Variants in L2HGDH observed in about 807,000 individuals in gnomAD.
L2HGDH encodes the protein L-2-hydroxyglutarate dehydrogenase, mitochondrial.
L2HGDH carries 34 observed loss-of-function variants against 51.5 expected under a neutral mutation model. The ratio of observed to expected loss-of-function variants is 0.66; its 90% CI spans 0.50 to 0.88. L2HGDH has a LOEUF of 0.88. L2HGDH is among the 40% of genes least tolerant of loss of function. The pLI is 0.00. For missense variants in L2HGDH, 558 were observed against 571.9 expected (o/e 0.98, Z 0.25); for synonymous variants, 198 against 197.9 (o/e 1.00, Z -0.01).
chr14:50,246,980 TTTAAA>T lies in L2HGDH; in HGVS notation c.*73_*77del. The T allele has an allele frequency of 1.3e-6, 2 of 1,521,220 alleles. No individual in the cohort carries two copies. Among genetic ancestry groups the T allele is most frequent in the African/African-American group, 1.4e-5 (1 of 72,112 alleles). The allele number at this position is 1,521,220 out of a possible 1,614,324, so 94.2% of individuals were successfully genotyped here. A position where few individuals can be genotyped will look rare whatever the true frequency, so the allele number is the denominator to read the frequency against. On this transcript the variant is annotated 3_prime_UTR_variant, in exon 10 of 10. Coordinates refer to ENST00000267436, the MANE Select transcript of L2HGDH (RefSeq NM_024884.3). The stretch of plus-strand genomic sequence containing the variant: ...AAAAACTAAAGTTTAAAAACCATTT[TTTAAA>T]TTAAAGAATGCAATTAGTACATTCT...
At chr14:50,282,919 G>A in intron 5 of L2HGDH, among the ~76,000 whole-genome samples, 1 of 151,986 alleles carries the variant, frequency 6.6e-6, no homozygotes, top group East Asian at 1.9e-4. Flanking sequence ...GCTCACACCT[G>A]TAATCCTAGC....
At chr14:50,281,830 G>C (rs1429065870) in intron 5 of L2HGDH, among the ~76,000 whole-genome samples, 1 of 152,018 alleles carries the variant, frequency 6.6e-6, no homozygotes, top group Non-Finnish European at 1.5e-5. Flanking sequence ...AACATTTAGA[G>C]ATACTTTTTA....
intron 7 of L2HGDH, among the ~76,000 whole-genome samples, chr14:50,268,600 T>C (rs1215842510): frequency 1.3e-5 from 2 of 152,156 alleles, no homozygotes; most frequent in African/African-American, 4.8e-5. Flanking sequence ...TACAAATACA[T>C]GAGGTTGAAG....
At chr14:50,253,189 C>T (rs1018904326) in intron 9 of L2HGDH, among the ~76,000 whole-genome samples, 1 of 151,962 alleles carries the variant, frequency 6.6e-6, no homozygotes. Context: ...AATGGGATCA[C>T]ATCAAGTTAA....
chr14:50,245,526 T>A lies in L2HGDH; in HGVS notation c.*1532A>T. On this transcript the variant is annotated 3_prime_UTR_variant, in exon 10 of 10. Coordinates refer to ENST00000267436, the MANE Select transcript of L2HGDH (RefSeq NM_024884.3). The stretch of plus-strand genomic sequence containing the variant: ...CAAATATTATAATTAAGATAGAAAC[T>A]TATTCAAACTACTCAAAAATGTAAA... 1.0e-6 allele frequency: 1 copy of A among 968,678 alleles called. No homozygotes were observed. The highest frequency in any genetic ancestry group is 1.2e-6 in the Non-Finnish European group (1 of 814,728). The allele number at this position is 968,678 out of a possible 1,614,324, so 60.0% of individuals were successfully genotyped here.
At chr14:50,270,384 C>G (rs1252405087) in intron 6 of L2HGDH, among the ~76,000 whole-genome samples, 2 of 152,206 alleles carry the variant, frequency 1.3e-5, no homozygotes, top group Non-Finnish European at 2.9e-5. Flanking sequence ...AGAGTAAACA[C>G]CTAGCAATTC....
chr14:50,294,629 C>T (rs2029922855), intron 3 of L2HGDH, among the ~76,000 whole-genome samples: 1 of 152,264 alleles, frequency 6.6e-6, no homozygotes, highest in Middle Eastern at 3.4e-3. Context: ...ACAGAATGGC[C>T]TTCTTATTTC....
chr14:50,305,169 T>C lies in L2HGDH; in HGVS notation c.141-2152A>G, dbSNP rs192575621. ...AATTAACTTGGGGGTCATAAGTGGA[T>C]AAAGTTCCCTCTGTCAGAGCATAAG... On this transcript the variant is annotated intron_variant, in intron 1 of 9. Transcript: ENST00000267436. Among the ~76,000 whole-genome samples, 609 of 152,258 alleles carry C rather than the reference T, an allele frequency of 4.0e-3. 5 individuals carry two copies. Among genetic ancestry groups the C allele is most frequent in the African/African-American group, 0.014 (586 of 41,534 alleles).
intron 9 of L2HGDH, among the ~76,000 whole-genome samples, chr14:50,252,830 A>G (rs746087081): frequency 1.3e-5 from 2 of 152,100 alleles, no homozygotes; most frequent in Non-Finnish European, 2.9e-5. Context: ...CCAATATAAT[A>G]ATAGCTGGAG....
rs1186314658 is a variant in L2HGDH at position 50,243,841 on chromosome 14, C to T, written c.*3217G>A. The stretch of plus-strand genomic sequence containing the variant: ...ATGCTATCCCTCCCCCCTCCCCCCA[C>T]CCCACAACAGTCCCCAGAGTGTGAT... On this transcript the variant is annotated 3_prime_UTR_variant, in exon 10 of 10. Coordinates refer to ENST00000267436, the MANE Select transcript of L2HGDH (RefSeq NM_024884.3). The T allele has an allele frequency of 2.0e-4, 21 of 106,028 alleles. No homozygotes were observed. The highest frequency in any genetic ancestry group is 7.3e-4 in the African/African-American group (21 of 28,770). The allele number at this position is 106,028 out of a possible 1,614,324, so 6.6% of individuals were successfully genotyped here.
At chr14:50,261,755 A>T (rs546061055) in intron 9 of L2HGDH, among the ~76,000 whole-genome samples, 2 of 152,314 alleles carry the variant, frequency 1.3e-5, no homozygotes, top group East Asian at 3.9e-4. Flanking sequence ...AAGCACTAGG[A>T]TTACAGGCAT....
At chr14:50,287,464 G>T in intron 4 of L2HGDH, 1 of 227,286 alleles carries the variant, frequency 4.4e-6, no homozygotes, top group Non-Finnish European at 7.3e-6. Context: ...GGGGCCAGCA[G>T]CTCAGATGTA....
rs899802590 is a variant in L2HGDH, at chr14:50,287,475, C to CT, written c.541-3443dup. On this transcript the variant is annotated intron_variant, in intron 4 of 9. Coordinates refer to ENST00000267436, the MANE Select transcript of L2HGDH (RefSeq NM_024884.3). The stretch of plus-strand genomic sequence containing the variant: ...TAATGGGGCCAGCAGCTCAGATGTA[C>CT]TTTTTTTTTTTGATATGCATCTTAC... 6.8e-3 allele frequency: 1,242 copies of CT among 182,782 alleles called. 6 individuals carry two copies. Among genetic ancestry groups the CT allele is most frequent in the African/African-American group, 0.01 (413 of 40,568 alleles). 11.3% of individuals were successfully genotyped at this position (182,782 alleles called of 1,614,324 possible). A position where few individuals can be genotyped will look rare whatever the true frequency, so the allele number is the denominator to read the frequency against.
chr14:50,286,241 A>G (rs1439544256), intron 4 of L2HGDH, among the ~76,000 whole-genome samples: 1 of 152,234 alleles, frequency 6.6e-6, no homozygotes, highest in Non-Finnish European at 1.5e-5. Context: ...GCAAAAGCAG[A>G]CCAGAGGGCA....
intron 9 of L2HGDH, among the ~76,000 whole-genome samples, chr14:50,254,302 C>T (rs946312875): frequency 1.3e-5 from 2 of 151,328 alleles, no homozygotes; most frequent in Non-Finnish European, 2.9e-5. Context: ...CTTATGTACC[C>T]CAAAAATATA....
chr14:50,296,081 A>T (rs1424983533), intron 3 of L2HGDH, among the ~76,000 whole-genome samples: 2 of 152,058 alleles, frequency 1.3e-5, no homozygotes, highest in Non-Finnish European at 2.9e-5. Flanking sequence ...TATTCTTAAA[A>T]ATTATAAGGG....
At chr14:50,304,997 T>C (rs919146304) in intron 1 of L2HGDH, among the ~76,000 whole-genome samples, 26 of 152,180 alleles carry the variant, frequency 1.7e-4, no homozygotes, top group Admixed American at 1.1e-3. Flanking sequence ...CGAAAAGTGA[T>C]CTAAGTTTCA....
Position 50,254,860 on chromosome 14 carries a change from G to A in L2HGDH, c.1197-7607C>T, listed in dbSNP as rs1888567782. On this transcript the variant is annotated intron_variant, in intron 9 of 9. Transcript: ENST00000267436. The stretch of plus-strand genomic sequence containing the variant: ...TTGAGACCAGCCTGGGCAACATGGT[G>A]AAATCCCATATATACGAGAAAAAAA... 3.3e-5 allele frequency among the ~76,000 whole-genome samples: 5 copies of A among 151,664 alleles called. No individual in the cohort carries two copies. The South Asian group carries it at 1.0e-3, about 31-fold the overall frequency.
chr14:50,301,943 A>T (rs2030432884), intron 3 of L2HGDH, 74 bp downstream of exon 3: 12 of 1,445,372 alleles, frequency 8.3e-6, no homozygotes, highest in East Asian at 4.6e-5. Context: ...ATACATTTTT[A>T]AAAAATGTAA....
Sources: allele counts gnomAD v4.1 joint callset (sites outside exome capture counted in the v4.1 genomes callset), GRCh38; gene constraint gnomAD v4.1.1; transcripts MANE v1.5; gene names NCBI Gene and HGNC (gene_info 2026-07-23, HGNC 2026-07-21).